Variants in FARS2 observed in about 807,000 individuals in gnomAD.
FARS2 encodes phenylalanine--tRNA ligase, mitochondrial.
In FARS2, 40 loss-of-function variants were observed where a neutral mutation model predicts 46.4. The ratio of observed to expected loss-of-function variants is 0.86; its 90% CI spans 0.67 to 1.12. The LOEUF (loss-of-function observed/expected upper bound fraction) is 1.12, where lower values mean the gene tolerates loss of function less well. Among genes scored for constraint, FARS2 ranks in the 50% most tolerant of loss-of-function variants. The probability of loss-of-function intolerance (pLI) is 0.00; values close to 1 mark genes in which losing one functional copy is unlikely to be tolerated. For synonymous variants in FARS2, 234 were observed against 214.9 expected, an observed-to-expected ratio of 1.09 and a Z score of -0.78; for missense variants, 513 against 567.9, an observed-to-expected ratio of 0.90 and a Z score of 0.98.
At chr6:5,532,807 G>T (rs779247518) in intron 4 of FARS2, among the ~76,000 whole-genome samples, 1 of 151,474 alleles carries the variant, frequency 6.6e-6, no homozygotes, top group Non-Finnish European at 1.5e-5. Flanking sequence ...AGAAGAAGAA[G>T]AAGAATGTTA....
chr6:5,582,470 C>G (rs1326243088), intron 5 of FARS2, among the ~76,000 whole-genome samples: 1 of 152,194 alleles, frequency 6.6e-6, no homozygotes, highest in African/African-American at 2.4e-5. Flanking sequence ...AAAGAAAGTA[C>G]GAAGAGTGTC....
At chr6:5,302,032 C>T (rs1396703343) in intron 1 of FARS2, among the ~76,000 whole-genome samples, 1 of 152,160 alleles carries the variant, frequency 6.6e-6, no homozygotes. Flanking sequence ...TAGCCATGCA[C>T]TTTTCCAGTT....
At chr6:5,536,259 C>G (rs1254391633) in intron 4 of FARS2, among the ~76,000 whole-genome samples, 1 of 152,010 alleles carries the variant, frequency 6.6e-6, no homozygotes, top group Non-Finnish European at 1.5e-5. Context: ...TGTCGATCTC[C>G]TGACCTCATG....
intron 2 of FARS2, among the ~76,000 whole-genome samples, chr6:5,374,194 G>T (rs1037242542): frequency 3.9e-5 from 6 of 152,106 alleles, no homozygotes; most frequent in African/African-American, 9.7e-5. Flanking sequence ...GGTGTTGGAT[G>T]CAGAGAAATC....
chr6:5,593,648 T>C (rs1354732054), intron 5 of FARS2, among the ~76,000 whole-genome samples: 1 of 152,144 alleles, frequency 6.6e-6, no homozygotes, highest in Non-Finnish European at 1.5e-5. Flanking sequence ...GTAAGGACAA[T>C]GGTGAGGCTC....
intron 2 of FARS2, among the ~76,000 whole-genome samples, chr6:5,387,411 G>A (rs1328411759): frequency 2.6e-5 from 4 of 152,206 alleles, no homozygotes; most frequent in East Asian, 3.9e-4. Context: ...TGGGAATACA[G>A]GGCTTAGACA....
chr6:5,671,591 G>C (rs1432254545), intron 6 of FARS2, among the ~76,000 whole-genome samples: 1 of 152,154 alleles, frequency 6.6e-6, no homozygotes, highest in Non-Finnish European at 1.5e-5. Context: ...GGCCAGTCTG[G>C]GCGTTATTTC....
chr6:5,609,487 C>T (rs1775050614), intron 5 of FARS2: 1 of 1,221,790 alleles, frequency 8.2e-7, no homozygotes, highest in Non-Finnish European at 1.2e-6. Flanking sequence ...CCATATCCAC[C>T]ACCATCATGG....
chr6:5,746,673 T>C (rs1181563985), intron 6 of FARS2, among the ~76,000 whole-genome samples: 1 of 152,014 alleles, frequency 6.6e-6, no homozygotes, highest in Non-Finnish European at 1.5e-5. Flanking sequence ...GGGTGGGGGC[T>C]GAGCTTCCTT....
chr6:5,419,248 A>G (rs574458192), intron 3 of FARS2, among the ~76,000 whole-genome samples: 1 of 152,252 alleles, frequency 6.6e-6, no homozygotes, highest in Non-Finnish European at 1.5e-5. Context: ...ATTTTTATGA[A>G]TTTTATTTTC....
At chr6:5,735,700 G>A (rs73718399) in intron 6 of FARS2, among the ~76,000 whole-genome samples, 3,293 of 152,234 alleles carry the variant, frequency 0.022, 105 homozygotes, top group African/African-American at 0.073. Context: ...GTGAAGCTCC[G>A]CGTATTTGCT....
At chr6:5,669,089 T>G (rs1778310096) in intron 6 of FARS2, among the ~76,000 whole-genome samples, 1 of 152,130 alleles carries the variant, frequency 6.6e-6, no homozygotes, top group Admixed American at 6.5e-5. Flanking sequence ...AGGTTATATT[T>G]TAATAATCAA....
chr6:5,579,554 G>A (rs1467172912), intron 5 of FARS2, among the ~76,000 whole-genome samples: 3 of 152,186 alleles, frequency 2.0e-5, no homozygotes, highest in Non-Finnish European at 2.9e-5. Flanking sequence ...GATTATAGGC[G>A]TGAGCCACCA....
chr6:5,680,437 A>T (rs1427983696), intron 6 of FARS2, among the ~76,000 whole-genome samples: 2 of 152,242 alleles, frequency 1.3e-5, no homozygotes, highest in Admixed American at 6.5e-5. Flanking sequence ...CTCTATCAAC[A>T]ACACAGGTGA....
At position 5,379,266 on chromosome 6, in the gene FARS2, A is replaced by T. The variant is rs114681730; in HGVS notation, c.612+10084A>T. On this transcript the variant is annotated intron_variant, in intron 2 of 6. Transcript: ENST00000274680. ...TTCACTGAAAAAAATGACAGCTAGCACTGTTAACTGCATGGCAGCTCACCT... is the reference window on the plus strand; with the variant it reads ...TTCACTGAAAAAAATGACAGCTAGCTCTGTTAACTGCATGGCAGCTCACCT... Among the ~76,000 whole-genome samples, 835 of 152,290 alleles carry T rather than the reference A, an allele frequency of 5.5e-3. 8 individuals are homozygous for T. The highest frequency in any genetic ancestry group is 0.019 in the African/African-American group (801 of 41,552).
chr6:5,514,363 C>T (rs1422137262), intron 4 of FARS2, among the ~76,000 whole-genome samples: 2 of 152,156 alleles, frequency 1.3e-5, no homozygotes, highest in African/African-American at 4.8e-5. Context: ...GTAGCCTTGT[C>T]TTGCATAGTC....
intron 4 of FARS2, among the ~76,000 whole-genome samples, chr6:5,459,739 C>G (rs182056586): frequency 1.3e-5 from 2 of 152,154 alleles, no homozygotes; most frequent in African/African-American, 4.8e-5. Context: ...AAGTTTAGTG[C>G]CAAGCCCCAG....
chr6:5,375,827 T>G (rs917912037), intron 2 of FARS2, among the ~76,000 whole-genome samples: 2 of 152,144 alleles, frequency 1.3e-5, no homozygotes, highest in South Asian at 4.1e-4. Context: ...GATGGATTAA[T>G]AAGTCATTTG....
intron 6 of FARS2, among the ~76,000 whole-genome samples, chr6:5,761,454 A>G (rs895442016): frequency 6.6e-6 from 1 of 152,204 alleles, no homozygotes; most frequent in African/African-American, 2.4e-5. Flanking sequence ...GAACAAATAA[A>G]TGCTGATCAA....
Sources: allele counts gnomAD v4.1 joint callset (sites outside exome capture counted in the v4.1 genomes callset), GRCh38; gene constraint gnomAD v4.1.1; transcripts MANE v1.5; gene names NCBI Gene and HGNC (gene_info 2026-07-23, HGNC 2026-07-21).